VAV3: variants seen among roughly 807,000 people sequenced by gnomAD.
The protein encoded by VAV3 is guanine nucleotide exchange factor VAV3.
In VAV3, 94 loss-of-function variants were observed where a neutral mutation model predicts 131.2. The ratio of observed to expected loss-of-function variants is 0.72; its 90% CI spans 0.61 to 0.85. VAV3 has a LOEUF of 0.85. Among genes scored for constraint, VAV3 ranks in the 40% least tolerant of loss-of-function variants. VAV3 has a pLI of 0.00. For missense variants in VAV3, 939 were observed against 1,002.7 expected, an observed-to-expected ratio of 0.94 and a Z score of 0.86; for synonymous variants, 349 against 342.0, an observed-to-expected ratio of 1.02 and a Z score of -0.22.
intron 18 of VAV3, among the ~76,000 whole-genome samples, chr1:107,686,997 C>G (rs1236476309): frequency 6.6e-6 from 1 of 151,658 alleles, no homozygotes; most frequent in Non-Finnish European, 1.5e-5. Flanking sequence ...AGGTTTCTTT[C>G]TCAATAATAT....
chr1:107,821,809 C>T (rs1045857432), intron 2 of VAV3, among the ~76,000 whole-genome samples: 2 of 152,298 alleles, frequency 1.3e-5, no homozygotes, highest in Admixed American at 6.5e-5. Context: ...AACCGAAATG[C>T]AGGTTTCCTC....
chr1:107,830,313 G>A (rs1057409636), intron 2 of VAV3, among the ~76,000 whole-genome samples: 14 of 151,368 alleles, frequency 9.2e-5, no homozygotes, highest in South Asian at 4.2e-4. Context: ...AGAGATCCTC[G>A]TGCCTCAGCC....
intron 8 of VAV3, 99 bp downstream of exon 8, chr1:107,766,348 G>C: frequency 1.3e-6 from 1 of 742,938 alleles, no homozygotes; most frequent in East Asian, 2.7e-5. Flanking sequence ...AGGTAGTAAT[G>C]TAATAAACAG....
At chr1:107,799,838 A>ATCCC (rs966971477) in intron 2 of VAV3, among the ~76,000 whole-genome samples, 1 of 151,938 alleles carries the variant, frequency 6.6e-6, no homozygotes, top group Admixed American at 6.6e-5. Context: ...ACTTCTCTTC[A>ATCCC]TCCCTCCCTC....
intron 1 of VAV3, among the ~76,000 whole-genome samples, chr1:107,910,956 G>T (rs951757269): frequency 2.0e-5 from 3 of 151,316 alleles, no homozygotes; most frequent in Non-Finnish European, 4.4e-5. Flanking sequence ...CTCTGGGCTG[G>T]GTCATCTGAA....
At chr1:107,688,441 A>G (rs1177172792) in intron 17 of VAV3, 35 bp from the exon 18 acceptor site, 1 of 1,612,846 alleles carries the variant, frequency 6.2e-7, no homozygotes, top group Non-Finnish European at 8.5e-7. Flanking sequence ...TTGTCAGTGT[A>G]AAGTTATTTT....
chr1:107,710,368 A>G (rs776334051), intron 15 of VAV3, among the ~76,000 whole-genome samples: 4 of 152,346 alleles, frequency 2.6e-5, no homozygotes, highest in Admixed American at 2.0e-4. Context: ...CAGTGCTTCA[A>G]AAACACCTGT....
At chr1:107,576,049 A>T (rs1336227129) in intron 25 of VAV3, among the ~76,000 whole-genome samples, 1 of 152,148 alleles carries the variant, frequency 6.6e-6, no homozygotes, top group East Asian at 1.9e-4. Context: ...ATACATAAAC[A>T]TTGGCTTTTT....
intron 1 of VAV3, among the ~76,000 whole-genome samples, chr1:107,935,480 G>A (rs1673661572): frequency 6.6e-6 from 1 of 152,194 alleles, no homozygotes; most frequent in Admixed American, 6.5e-5. Flanking sequence ...ATGTTCAGTG[G>A]TTGGAGAAAA....
chr1:107,726,518 G>A (rs1255710308), intron 15 of VAV3, among the ~76,000 whole-genome samples: 1 of 151,890 alleles, frequency 6.6e-6, no homozygotes, highest in South Asian at 2.1e-4. Context: ...ACATAATAAC[G>A]CTCTGGCTTC....
chr1:107,830,011 C>T lies in VAV3; in HGVS notation c.321+44890G>A, dbSNP rs571583721. On this transcript the variant is annotated intron_variant, in intron 2 of 26. Coordinates refer to ENST00000370056, the MANE Select transcript of VAV3 (RefSeq NM_006113.5). The stretch of plus-strand genomic sequence containing the variant: ...TATAGAAGCACTCCATGTTAATGAG[C>T]AAAACTACTTAAAACTCCTTAACCA... Among the ~76,000 whole-genome samples, 163 of 152,150 alleles carry T rather than the reference C, an allele frequency of 1.1e-3. 1 individual carries two copies. The highest frequency in any genetic ancestry group is 3.9e-3 in the African/African-American group (160 of 41,514).
intron 19 of VAV3, among the ~76,000 whole-genome samples, chr1:107,649,779 A>C (rs970034454): frequency 6.6e-6 from 1 of 152,144 alleles, no homozygotes; most frequent in Non-Finnish European, 1.5e-5. Context: ...TTATTCAGCA[A>C]ATATTTACAG....
At chr1:107,761,471 C>T (rs1664421581) in intron 9 of VAV3, among the ~76,000 whole-genome samples, 1 of 151,964 alleles carries the variant, frequency 6.6e-6, no homozygotes, top group African/African-American at 2.4e-5. Flanking sequence ...GGGTCTTCTT[C>T]AGTTTATCTT....
chr1:107,623,269 G>C (rs1653738455), intron 20 of VAV3, among the ~76,000 whole-genome samples: 1 of 152,196 alleles, frequency 6.6e-6, no homozygotes, highest in Admixed American at 6.5e-5. Flanking sequence ...TCACTAGGTT[G>C]TTACAAGGAT....
intron 1 of VAV3, among the ~76,000 whole-genome samples, chr1:107,905,881 T>C (rs565314531): frequency 7.3e-4 from 111 of 152,072 alleles, no homozygotes; most frequent in African/African-American, 2.4e-3. Flanking sequence ...AACTAACAAA[T>C]AAATTCAAAG....
At chr1:107,619,049 G>A (rs916589600) in intron 20 of VAV3, among the ~76,000 whole-genome samples, 3 of 152,132 alleles carry the variant, frequency 2.0e-5, no homozygotes, top group African/African-American at 7.2e-5. Context: ...ACATGCTGAA[G>A]ACACTATTTA....
At chr1:107,721,117 T>C (rs778894894) in intron 15 of VAV3, among the ~76,000 whole-genome samples, 15 of 152,194 alleles carry the variant, frequency 9.9e-5, no homozygotes, top group African/African-American at 3.1e-4. Flanking sequence ...GAATCCTTTA[T>C]GGTTTCATGC....
intron 17 of VAV3, among the ~76,000 whole-genome samples, chr1:107,702,513 G>A (rs1428499562): frequency 2.6e-5 from 4 of 152,150 alleles, no homozygotes; most frequent in Non-Finnish European, 5.9e-5. Flanking sequence ...TCCAGAGCTT[G>A]TAGATTTTAC....
At chr1:107,747,706 G>A (rs1028783495) in intron 15 of VAV3, among the ~76,000 whole-genome samples, 2 of 152,146 alleles carry the variant, frequency 1.3e-5, no homozygotes, top group African/African-American at 4.8e-5. Flanking sequence ...TACAGATGAG[G>A]AAACTGAGGC....
Sources: allele counts gnomAD v4.1 joint callset (sites outside exome capture counted in the v4.1 genomes callset), GRCh38; gene constraint gnomAD v4.1.1; transcripts MANE v1.5; gene names NCBI Gene and HGNC (gene_info 2026-07-23, HGNC 2026-07-21).